Variants in RSPH14 observed in about 807,000 individuals in gnomAD.
RSPH14 encodes the protein radial spoke head 14 homolog.
RSPH14 carries 20 observed loss-of-function variants against 26.7 expected under a neutral mutation model. That is an observed-to-expected ratio of 0.75 (90% confidence interval 0.53 to 1.09). The LOEUF (loss-of-function observed/expected upper bound fraction) is 1.09, where lower values mean the gene tolerates loss of function less well. RSPH14 is among the 50% of genes least tolerant of loss of function. The probability of loss-of-function intolerance (pLI) is 0.00; values close to 1 mark genes in which losing one functional copy is unlikely to be tolerated. For synonymous variants in RSPH14, 177 were observed against 189.3 expected (o/e 0.93, Z 0.53); for missense variants, 449 against 457.2 (o/e 0.98, Z 0.16).
intron 4 of RSPH14, among the ~76,000 whole-genome samples, chr22:23,117,083 G>A (rs149323071): frequency 6.6e-6 from 1 of 152,190 alleles, no homozygotes; most frequent in East Asian, 1.9e-4. Flanking sequence ...GTCCCATCCA[G>A]CTGGGATGCA....
intron 4 of RSPH14, among the ~76,000 whole-genome samples, chr22:23,129,698 G>A (rs541095207): frequency 5.9e-5 from 9 of 151,676 alleles, no homozygotes; most frequent in African/African-American, 2.2e-4. Flanking sequence ...GAGGCAGGAG[G>A]ATCGTGAGGT....
At chr22:23,143,335 ATAT>A (rs1236142927), upstream of RSPH14, among the ~76,000 whole-genome samples, 1 of 79,998 alleles carries the variant, frequency 1.3e-5, no homozygotes, top group East Asian at 2.2e-4. Flanking sequence ...AAATAAATAG[ATAT>A]AATTTTAAAA....
chr22:23,084,312 C>T (rs2068758642), intron 4 of RSPH14, among the ~76,000 whole-genome samples: 1 of 152,210 alleles, frequency 6.6e-6, no homozygotes. Context: ...TTCTCCCTGT[C>T]AGTACGGTAT....
At chr22:23,076,652 A>G (rs5751575) in intron 4 of RSPH14, among the ~76,000 whole-genome samples, 18,610 of 152,250 alleles carry the variant, frequency 0.12, 1,417 homozygotes, top group East Asian at 0.33. Context: ...CAGTGATGCA[A>G]TGTGACTCAG....
the RSPH14 span, among the ~76,000 whole-genome samples, chr22:23,160,244 G>A: frequency 4.7e-4 from 71 of 152,216 alleles, 1 homozygote; most frequent in Admixed American, 2.2e-3. Context: ...CCAACAGTGA[G>A]AACTGCTCTG....
chr22:23,123,487 C>A, intron 4 of RSPH14: 1 of 1,189,624 alleles, frequency 8.4e-7, no homozygotes, highest in Non-Finnish European at 1.2e-6. Context: ...TGTCATGCCC[C>A]AACGCGTGCT....
chr22:23,131,741 T>TTA (rs1439547793), intron 4 of RSPH14: 1 of 770,620 alleles, frequency 1.3e-6, no homozygotes, highest in East Asian at 6.4e-5. Context: ...TGGATCACCC[T>TTA]AATACCCCAG....
At chr22:23,082,858 T>G (rs1207107122) in intron 4 of RSPH14, among the ~76,000 whole-genome samples, 2 of 152,214 alleles carry the variant, frequency 1.3e-5, no homozygotes, top group Non-Finnish European at 2.9e-5. Context: ...TGAGGCTAGC[T>G]GGGCTCTCAG....
chr22:23,135,195 C>T (rs1202461491), intron 3 of RSPH14, among the ~76,000 whole-genome samples: 1 of 151,658 alleles, frequency 6.6e-6, no homozygotes, highest in East Asian at 1.9e-4. Flanking sequence ...GATTCTAGGC[C>T]AGGCGCGGTG....
chr22:23,060,878 C>T (rs2068080427), intron 6 of RSPH14, among the ~76,000 whole-genome samples: 1 of 152,202 alleles, frequency 6.6e-6, no homozygotes. Context: ...GTCTCAGCCT[C>T]TTGTGTCTCG....
rs1262831980 is a variant in RSPH14 at position 23,095,566 on chromosome 22, C to T, written c.422-31433G>A. ...CAGGGGCTGCAGTGTGGCTCGGCCT[C>T]ACCCCCCTGCTGGCACTGAGTGCCT... On this transcript the variant is annotated intron_variant, in intron 4 of 6. Transcript: ENST00000216036. 9.0e-5 allele frequency: 91 copies of T among 1,016,140 alleles called. No homozygotes were observed. The East Asian group carries it at 2.3e-3, about 26-fold the overall frequency. The allele number at this position is 1,016,140 out of a possible 1,614,324, so 62.9% of individuals were successfully genotyped here. A position where few individuals can be genotyped will look rare whatever the true frequency, so the allele number is the denominator to read the frequency against.
chr22:23,152,315 C>A, the RSPH14 span: 1 of 775,650 alleles, frequency 1.3e-6, no homozygotes, highest in Non-Finnish European at 2.2e-6. Context: ...GAAGGGGGAA[C>A]ACAGTGTCTC....
chr22:23,074,198 T>C (rs1251327517), intron 4 of RSPH14, among the ~76,000 whole-genome samples: 1 of 152,086 alleles, frequency 6.6e-6, no homozygotes, highest in Admixed American at 6.5e-5. Context: ...GGAGCTAATC[T>C]ACACTTTGAA....
At chr22:23,124,327 T>C in intron 4 of RSPH14, 1 of 398,360 alleles carries the variant, frequency 2.5e-6, no homozygotes, top group Non-Finnish European at 5.3e-6. Context: ...CATATTTTTT[T>C]TCAGGTGGTC....
intron 4 of RSPH14, among the ~76,000 whole-genome samples, chr22:23,088,995 C>T (rs2068889222): frequency 6.6e-6 from 1 of 152,214 alleles, no homozygotes; most frequent in African/African-American, 2.4e-5. Context: ...AACTATCTCC[C>T]TGGGGGCAGG....
the RSPH14 span, chr22:23,161,684 T>C: frequency 4.8e-6 from 4 of 834,504 alleles, no homozygotes; most frequent in South Asian, 1.7e-5. Context: ...TGTAGGCCCA[T>C]GTTCCAGTCC....
chr22:23,085,033 G>A (rs1048939477), intron 4 of RSPH14, among the ~76,000 whole-genome samples: 1 of 152,176 alleles, frequency 6.6e-6, no homozygotes, highest in African/African-American at 2.4e-5. Context: ...ACTAGGTGGG[G>A]AGCCTCATCT....
intron 4 of RSPH14, among the ~76,000 whole-genome samples, chr22:23,082,297 A>G (rs990905580): frequency 1.3e-5 from 2 of 150,024 alleles, no homozygotes; most frequent in Non-Finnish European, 3.0e-5. Context: ...GCTCACTGCA[A>G]CCTCCGCCTC....
At chr22:23,144,744 T>C (rs910046216), upstream of RSPH14, among the ~76,000 whole-genome samples, 9 of 151,890 alleles carry the variant, frequency 5.9e-5, no homozygotes, top group African/African-American at 1.9e-4. Context: ...TAGCTTTGAA[T>C]TGAAGATGAC....
Sources: allele counts gnomAD v4.1 joint callset (sites outside exome capture counted in the v4.1 genomes callset), GRCh38; gene constraint gnomAD v4.1.1; transcripts MANE v1.5; gene names NCBI Gene and HGNC (gene_info 2026-07-23, HGNC 2026-07-21).